Variants in FES observed in about 807,000 individuals in gnomAD.
The protein encoded by FES is tyrosine-protein kinase Fes/Fps.
Under a neutral mutation model 109.6 loss-of-function variants are expected in FES, and 83 were observed. The observed-to-expected ratio is 0.76, with a 90% CI of 0.63 to 0.91. The LOEUF is 0.91. FES is among the 40% of genes least tolerant of loss of function. The pLI is 0.00. For synonymous variants in FES, 458 were observed against 442.1 expected (o/e 1.04, Z -0.45); for missense variants, 943 against 1,070.9 (o/e 0.88, Z 1.67).
At chr15:90,887,986 G>C (rs947960033) in intron 5 of FES, among the ~76,000 whole-genome samples, 2 of 152,232 alleles carry the variant, frequency 1.3e-5, no homozygotes, top group African/African-American at 4.8e-5. Context: ...CATACACGAG[G>C]CTGGAGGAGG....
chr15:90,887,080 A>G (rs778049071), intron 4 of FES, 23 bp downstream of exon 4: 1 of 1,613,808 alleles, frequency 6.2e-7, no homozygotes, highest in Admixed American at 1.7e-5. Flanking sequence ...CCTTGCTGGC[A>G]GGGAGGGAAT....
chr15:90,895,032 A>G (rs1446139681), intron 18 of FES, among the ~76,000 whole-genome samples: 2 of 152,226 alleles, frequency 1.3e-5, no homozygotes, highest in African/African-American at 4.8e-5. Flanking sequence ...ACACCACTGC[A>G]TTCCAGCGTG....
At position 90,891,658 on chromosome 15, in the gene FES, G is replaced by A. The variant is rs142500116; in HGVS notation, c.1635G>A (p.Leu545=). The change falls in exon 12 of 19, where the codon CTG becomes CTA. Residue 545 remains leucine, a synonymous_variant. Coordinates refer to ENST00000328850, the MANE Select transcript of FES (RefSeq NM_002005.4). Reference sequence around the variant, plus strand: ...TCACCAAGAAGAGTGGTGTTGTCCTGCACAGGGCTGTGCCCAAGGTGAGCC... The same window carrying A: ...TCACCAAGAAGAGTGGTGTTGTCCTACACAGGGCTGTGCCCAAGGTGAGCC... ...QPLTKKSGVV[L]HRAVPKDKWV... 6.2e-7 allele frequency: 1 copy of A among 1,613,690 alleles called. No homozygotes were observed. The highest frequency in any genetic ancestry group is 8.5e-7 in the Non-Finnish European group (1 of 1,179,974).
In FES at chr15:90,885,103, C is replaced by T; in HGVS notation, c.58C>T (p.Gln20Ter). The change falls in exon 2 of 19, where the codon CAG becomes TAG. Residue 20 changes from glutamine (Q) to a stop codon, truncating the protein, a stop_gained. Coordinates refer to ENST00000328850, the MANE Select transcript of FES (RefSeq NM_002005.4). LOFTEE classifies it high-confidence loss of function. ...PQGHGVLQQM[Q>*]EAELRLLEGM... ...GGGCCACGGGGTCCTGCAGCAAATG[C>T]AGGAGGCCGAGCTTCGTCTACTGGA... is the stretch of plus-strand genomic sequence containing the variant. 6.2e-7 allele frequency: 1 copy of T among 1,613,758 alleles called. No individual in the cohort carries two copies. Among genetic ancestry groups the T allele is most frequent in the Non-Finnish European group, 8.5e-7 (1 of 1,180,006 alleles).
At chr15:90,884,756 C>G (rs972505336) in intron 1 of FES, 1 of 353,370 alleles carries the variant, frequency 2.8e-6, no homozygotes, top group African/African-American at 2.1e-5. Context: ...GCAAGGGTGT[C>G]CCTGTAAGGG....
In FES at chr15:90,889,507, T is replaced by C; in HGVS notation, c.807-10T>C. Reference sequence around the variant, plus strand: ...TGGCCTGTCCACTGACGGGGCGCTGTCCCCCACAGGTCCGCACCTGACGTC... The same window carrying C: ...TGGCCTGTCCACTGACGGGGCGCTGCCCCCCACAGGTCCGCACCTGACGTC... On this transcript the variant is annotated splice_polypyrimidine_tract_variant and intron_variant, in intron 6 of 18. Coordinates refer to ENST00000328850, the MANE Select transcript of FES (RefSeq NM_002005.4). The surrounding 1 kb of genome is among the most constrained non-coding windows in gnomAD (Gnocchi z 6.1). 6.2e-7 allele frequency: 1 copy of C among 1,613,696 alleles called. No individual in the cohort carries two copies. Among genetic ancestry groups the C allele is most frequent in the Non-Finnish European group, 8.5e-7 (1 of 1,179,958 alleles).
In FES at chr15:90,893,938, C is replaced by A. The variant is rs751309645; in HGVS notation, c.2206C>A (p.Arg736Ser). 1 of 1,613,626 alleles carries A rather than the reference C, an allele frequency of 6.2e-7. No individual in the cohort carries two copies. The highest frequency in any genetic ancestry group is 8.5e-7 in the Non-Finnish European group (1 of 1,179,984). ...TCACCTCCTCGCCTCCTCTGCAGGCCGCTACTCCTCCGAAAGCGACGTGTG... is the reference window on the plus strand; with the variant it reads ...TCACCTCCTCGCCTCCTCTGCAGGCAGCTACTCCTCCGAAAGCGACGTGTG... The part of the protein sequence containing the change: ...WTAPEALNYG[R>S]YSSESDVWSF... The change falls in exon 18 of 19, where the codon CGC (arginine) becomes AGC (serine). Residue 736 changes from arginine to serine, a missense_variant and splice_region_variant. Transcript: ENST00000328850.
rs753884782 is a variant in FES, at chr15:90,887,069, C to T, written c.484+12C>T. 1.4e-5 allele frequency: 22 copies of T among 1,613,840 alleles called. No individual in the cohort carries two copies. In the African/African-American group the frequency reaches 2.5e-4, roughly 19 times the overall value. The stretch of plus-strand genomic sequence containing the variant: ...GGAGGCCAGCAAAGGTTCGTGGCTT[C>T]CCTTGCTGGCAGGGAGGGAATCCGA... On this transcript the variant is annotated intron_variant, in intron 4 of 18. Coordinates refer to ENST00000328850, the MANE Select transcript of FES (RefSeq NM_002005.4).
chr15:90,884,697 G>T, intron 1 of FES, 153 bp downstream of exon 1: 1 of 199,830 alleles, frequency 5.0e-6, no homozygotes, highest in Non-Finnish European at 1.0e-5. Flanking sequence ...CTCAGGCTGT[G>T]GGCGCCTGAG....
Position 90,892,722 on chromosome 15 carries a change from G to A in FES, c.1723G>A (p.Val575Met). The change falls in exon 14 of 19, where the codon GTG (valine) becomes ATG (methionine). Residue 575 changes from valine (V) to methionine (M), a missense_variant. Coordinates refer to ENST00000328850, the MANE Select transcript of FES (RefSeq NM_002005.4). ...EQIGRGNFGE[V>M]FSGRLRADNT... ...ACCGTTTCAGGGGAACTTTGGCGAA[G>A]TGTTCAGCGGACGCCTGCGAGCCGA... The A allele has an allele frequency of 6.2e-7, 1 of 1,610,372 alleles. No homozygotes were observed. The highest frequency in any genetic ancestry group is 8.5e-7 in the Non-Finnish European group (1 of 1,178,456).
intron 1 of FES, 147 bp from the exon 2 acceptor site, chr15:90,884,890 A>G (rs1302448258): frequency 1.3e-5 from 9 of 680,786 alleles, no homozygotes; most frequent in Non-Finnish European, 2.3e-5. Context: ...GCTGCTGGGT[A>G]CCCATGGCTG....
intron 18 of FES, among the ~76,000 whole-genome samples, chr15:90,894,264 ACAC>A (rs2151272500): frequency 6.6e-6 from 1 of 152,182 alleles, no homozygotes; most frequent in South Asian, 2.1e-4. Flanking sequence ...AGCTTGGACA[ACAC>A]AGTGAAACTC....
chr15:90,885,118 C>G lies in FES; in HGVS notation c.73C>G (p.Arg25Gly), dbSNP rs376111396. 2 of 1,613,832 alleles carry G rather than the reference C, an allele frequency of 1.2e-6. No individual in the cohort carries two copies. Among genetic ancestry groups the G allele is most frequent in the Non-Finnish European group, 1.7e-6 (2 of 1,180,032 alleles). The change falls in exon 2 of 19, where the codon CGT (arginine) becomes GGT (glycine). Residue 25 changes from arginine (R) to glycine (G), a missense_variant. By Grantham distance (125) the Arg-to-Gly change is moderately radical. Coordinates refer to ENST00000328850, the MANE Select transcript of FES (RefSeq NM_002005.4). ...GCAGCAAATGCAGGAGGCCGAGCTT[C>G]GTCTACTGGAGGGCATGAGAAAGTG... ...VLQQMQEAEL[R>G]LLEGMRKWMA...
intron 10 of FES, 49 bp downstream of exon 10, chr15:90,890,533 A>G: frequency 6.6e-7 from 1 of 1,522,338 alleles, no homozygotes; most frequent in Non-Finnish European, 9.0e-7. Context: ...TTCGAGTTTA[A>G]TCACTGGGAT....
Position 90,889,341 on chromosome 15 carries a change from G to C in FES, c.704G>C (p.Ser235Thr). Residue 235 changes from serine (S) to threonine (T), a missense_variant, in exon 6 of 19, where the codon AGC (serine) becomes ACC (threonine). Coordinates refer to ENST00000328850, the MANE Select transcript of FES (RefSeq NM_002005.4). This position sits in a 1 kb window ranked among gnomAD's most constrained non-coding sequence, Gnocchi z 6.1. ...EILQEYLEIS[S>T]LVQDEVVAIH... ...CTGCAGGAATACCTGGAGATTAGCA[G>C]CCTGGTGCAGGATGAGGTGGTGGCC... is the stretch of plus-strand genomic sequence containing the variant. 6.2e-7 allele frequency: 1 copy of C among 1,613,988 alleles called. No homozygotes were observed. Among genetic ancestry groups the C allele is most frequent in the African/African-American group, 1.3e-5 (1 of 75,062 alleles).
chr15:90,889,463 C>T lies in FES; in HGVS notation c.806+20C>T, dbSNP rs1366341959. ...GTATGGGTAAGCCCCGTCCTTGCTC[C>T]TGCTGGGCCCAGGGCTGCTGGCCTG... On this transcript the variant is annotated intron_variant, in intron 6 of 18. Coordinates refer to ENST00000328850, the MANE Select transcript of FES (RefSeq NM_002005.4). This position sits in a 1 kb window ranked among gnomAD's most constrained non-coding sequence, Gnocchi z 6.1. The T allele has an allele frequency of 1.9e-6, 3 of 1,613,798 alleles. No individual in the cohort carries two copies. The highest frequency in any genetic ancestry group is 1.1e-5 in the South Asian group (1 of 91,078).
At chr15:90,887,669 G>C (rs2032789613) in intron 5 of FES, among the ~76,000 whole-genome samples, 2 of 152,178 alleles carry the variant, frequency 1.3e-5, no homozygotes, top group Admixed American at 6.5e-5. Flanking sequence ...TCGTGTTAGT[G>C]GAGTGAGGAT....
intron 18 of FES, among the ~76,000 whole-genome samples, chr15:90,894,642 T>C (rs1161383969): frequency 6.6e-6 from 1 of 152,190 alleles, no homozygotes; most frequent in Non-Finnish European, 1.5e-5. Flanking sequence ...GACATGCGCC[T>C]GTAGTCCCTG....
chr15:90,886,685 C>T (rs1433413057), intron 3 of FES, among the ~76,000 whole-genome samples: 1 of 152,252 alleles, frequency 6.6e-6, no homozygotes, highest in Admixed American at 6.5e-5. Flanking sequence ...ACTGCACAGG[C>T]CGTGCACACC....
Sources: gnomAD v4.1 joint callset for allele counts (sites outside exome capture counted in the v4.1 genomes callset) on GRCh38, gnomAD v4.1.1 for gene constraint, Gnocchi (gnomAD v3.1) non-coding constraint, MANE v1.5 for transcripts, NCBI Gene and HGNC (gene_info 2026-07-23, HGNC 2026-07-21) for gene names.